PRKCA: variants seen among roughly 807,000 people sequenced by gnomAD.
PRKCA encodes protein kinase C alpha type.
PRKCA carries 27 observed loss-of-function variants against 87.0 expected under a neutral mutation model. The ratio of observed to expected loss-of-function variants is 0.31; its 90% CI spans 0.23 to 0.43. The LOEUF is 0.43. Ranked by LOEUF, PRKCA falls within the 20% of genes least tolerant of loss-of-function variation. PRKCA has a pLI of 1.00. For missense variants in PRKCA, 518 were observed against 852.3 expected (o/e 0.61, Z 4.88); for synonymous variants, 329 against 311.1 (o/e 1.06, Z -0.61).
intron 2 of PRKCA, among the ~76,000 whole-genome samples, chr17:66,476,040 C>T (rs183656433): frequency 4.6e-5 from 7 of 152,148 alleles, no homozygotes; most frequent in African/African-American, 1.4e-4. Context: ...TGGGATTACA[C>T]GTGCCTGCCA....
At chr17:66,568,819 C>T (rs1163240919) in intron 3 of PRKCA, among the ~76,000 whole-genome samples, 1 of 152,152 alleles carries the variant, frequency 6.6e-6, no homozygotes, top group Non-Finnish European at 1.5e-5. Context: ...TTTGGACTTA[C>T]ACTTCCATGT....
chr17:66,508,878 A>C (rs78176842), intron 3 of PRKCA, among the ~76,000 whole-genome samples: 2,620 of 151,632 alleles, frequency 0.017, 41 homozygotes, highest in Non-Finnish European at 0.027. Context: ...GTGATTATGC[A>C]CTCTCTTGCT....
intron 2 of PRKCA, among the ~76,000 whole-genome samples, chr17:66,483,910 A>G (rs1915887416): frequency 6.6e-6 from 1 of 152,128 alleles, no homozygotes; most frequent in African/African-American, 2.4e-5. Flanking sequence ...GAACATCAAC[A>G]TGAATTTTAT....
intron 14 of PRKCA, among the ~76,000 whole-genome samples, chr17:66,783,794 T>C (rs1343458079): frequency 2.0e-5 from 3 of 152,232 alleles, no homozygotes; most frequent in Non-Finnish European, 1.5e-5. Flanking sequence ...TTGCATTGTC[T>C]GTGACTTGGC....
At chr17:66,573,344 C>G (rs1969134598) in intron 3 of PRKCA, among the ~76,000 whole-genome samples, 1 of 152,120 alleles carries the variant, frequency 6.6e-6, no homozygotes, top group South Asian at 2.1e-4. Flanking sequence ...ACGCTATGAG[C>G]AACAGATAGA....
intron 4 of PRKCA, among the ~76,000 whole-genome samples, chr17:66,644,358 A>G (rs1971395775): frequency 2.0e-5 from 3 of 152,206 alleles, no homozygotes; most frequent in Admixed American, 2.0e-4. Flanking sequence ...ATGATTACAG[A>G]ATAACCTTAT....
intron 14 of PRKCA, chr17:66,777,548 C>T (rs1975086803): frequency 1.0e-6 from 1 of 984,592 alleles, no homozygotes; most frequent in Non-Finnish European, 1.2e-6. Context: ...GAGTTGTCTG[C>T]TCCTCAAGTT....
chr17:66,397,913 C>T (rs918204975), intron 2 of PRKCA, among the ~76,000 whole-genome samples: 2 of 152,124 alleles, frequency 1.3e-5, no homozygotes, highest in African/African-American at 2.4e-5. Context: ...TCTGTGACAT[C>T]GTCTAAACTC....
chr17:66,611,799 TTC>T (rs1196067261), intron 3 of PRKCA, among the ~76,000 whole-genome samples: 1 of 152,178 alleles, frequency 6.6e-6, no homozygotes, highest in Non-Finnish European at 1.5e-5. Flanking sequence ...GAGTTGAGGG[TTC>T]TGATTTCTCC....
In PRKCA at chr17:66,687,551, T is replaced by C. The variant is rs942594635; in HGVS notation, c.686+284T>C. Among the ~76,000 whole-genome samples, 5 of 152,320 alleles carry C rather than the reference T, an allele frequency of 3.3e-5. No homozygotes were observed. The East Asian group carries it at 5.8e-4, about 18-fold the overall frequency. On this transcript the variant is annotated intron_variant, in intron 6 of 16. Coordinates refer to ENST00000413366, the MANE Select transcript of PRKCA (RefSeq NM_002737.3). ...GAATTAAGGTAAATAGAATTTAAGCTAAAAATGTGTCAGGTGTGTCCACCT... is the reference window on the plus strand; with the variant it reads ...GAATTAAGGTAAATAGAATTTAAGCCAAAAATGTGTCAGGTGTGTCCACCT...
chr17:66,804,176 T>C lies in PRKCA; in HGVS notation c.*139T>C. On this transcript the variant is annotated 3_prime_UTR_variant, in exon 17 of 17. Coordinates refer to ENST00000413366, the MANE Select transcript of PRKCA (RefSeq NM_002737.3). ...GGCCTGAAAATTGTAGGGTTATTAG[T>C]CCAAATGTGATCAACTGTTCAGGGT... 8.4e-7 allele frequency: 1 copy of C among 1,188,496 alleles called. No homozygotes were observed. 73.6% of individuals were successfully genotyped at this position (1,188,496 alleles called of 1,614,324 possible). A position where few individuals can be genotyped will look rare whatever the true frequency, so the allele number is the denominator to read the frequency against.
At chr17:66,711,514 T>C (rs1375494106) in intron 8 of PRKCA, among the ~76,000 whole-genome samples, 1 of 152,184 alleles carries the variant, frequency 6.6e-6, no homozygotes, top group Non-Finnish European at 1.5e-5. Flanking sequence ...ATGTAAATGG[T>C]TTTAAAAACC....
chr17:66,353,812 T>C (rs1907895176), intron 2 of PRKCA, among the ~76,000 whole-genome samples: 1 of 152,192 alleles, frequency 6.6e-6, no homozygotes, highest in South Asian at 2.1e-4. Context: ...TGTGGCTTGC[T>C]CTGTGTTTTA....
At chr17:66,735,839 G>T (rs1235344346) in intron 10 of PRKCA, among the ~76,000 whole-genome samples, 177 bp downstream of exon 10, 2 of 151,788 alleles carry the variant, frequency 1.3e-5, no homozygotes, top group Admixed American at 1.3e-4. Context: ...TTTGGGGCAT[G>T]CCTTCTCTGT....
At chr17:66,345,266 TTG>T (rs148343223) in intron 2 of PRKCA, among the ~76,000 whole-genome samples, 6 of 151,340 alleles carry the variant, frequency 4.0e-5, no homozygotes, top group African/African-American at 1.2e-4. Flanking sequence ...CTAGCTACTT[TTG>T]TGTGTGTGTG....
chr17:66,440,691 G>GC (rs1347726006), intron 2 of PRKCA, among the ~76,000 whole-genome samples: 1 of 152,114 alleles, frequency 6.6e-6, no homozygotes, highest in Non-Finnish European at 1.5e-5. Context: ...CCGAGGGTGG[G>GC]CTAGTGAGAG....
chr17:66,719,595 C>T (rs866123612), intron 8 of PRKCA, among the ~76,000 whole-genome samples: 6 of 152,200 alleles, frequency 3.9e-5, no homozygotes, highest in South Asian at 2.1e-4. Flanking sequence ...GGTGAAACCC[C>T]GTCTCTACTA....
intron 2 of PRKCA, among the ~76,000 whole-genome samples, chr17:66,357,040 G>A (rs1244041669): frequency 6.6e-6 from 1 of 152,196 alleles, no homozygotes; most frequent in East Asian, 1.9e-4. Flanking sequence ...GATTATAGGC[G>A]TGAGCCACCA....
At chr17:66,492,334 G>A (rs1242494071) in intron 2 of PRKCA, among the ~76,000 whole-genome samples, 2 of 152,126 alleles carry the variant, frequency 1.3e-5, no homozygotes, top group Non-Finnish European at 2.9e-5. Flanking sequence ...GATAACATTC[G>A]GCATGAGTTT....
Sources: allele counts gnomAD v4.1 joint callset (sites outside exome capture counted in the v4.1 genomes callset), GRCh38; gene constraint gnomAD v4.1.1; transcripts MANE v1.5; gene names NCBI Gene and HGNC (gene_info 2026-07-23, HGNC 2026-07-21).